GMDS: variants seen among roughly 807,000 people sequenced by gnomAD.
GMDS encodes the protein GDP-mannose 4,6 dehydratase.
Under a neutral mutation model 49.9 loss-of-function variants are expected in GMDS, and 20 were observed. The observed-to-expected ratio is 0.40, with a 90% CI of 0.28 to 0.58. GMDS has a LOEUF of 0.58. Ranked by LOEUF, GMDS falls within the 20% of genes least tolerant of loss-of-function variation. GMDS has a pLI of 0.42. For missense variants in GMDS, 362 were observed against 481.4 expected (o/e 0.75, Z 2.32); for synonymous variants, 177 against 178.6 (o/e 0.99, Z 0.07).
intron 7 of GMDS, among the ~76,000 whole-genome samples, chr6:1,837,259 T>C (rs1187869749): frequency 6.6e-6 from 1 of 152,218 alleles, no homozygotes; most frequent in Admixed American, 6.5e-5. Flanking sequence ...GTGGTGATTT[T>C]TCTGTATTTA....
intron 8 of GMDS, among the ~76,000 whole-genome samples, chr6:1,736,918 T>C (rs1561768184): frequency 6.6e-6 from 1 of 152,210 alleles, no homozygotes; most frequent in Non-Finnish European, 1.5e-5. Context: ...GTAGCTACAC[T>C]GGCTGCAGGA....
chr6:1,882,090 C>T (rs888495979), intron 7 of GMDS, among the ~76,000 whole-genome samples: 1 of 152,128 alleles, frequency 6.6e-6, no homozygotes. Context: ...AACTTCTTTT[C>T]TAAATCAATG....
intron 9 of GMDS, among the ~76,000 whole-genome samples, chr6:1,723,488 G>A (rs1415078122): frequency 6.6e-6 from 1 of 151,646 alleles, no homozygotes; most frequent in Admixed American, 6.6e-5. Flanking sequence ...CACCATACCC[G>A]GCTAATTTTT....
intron 1 of GMDS, among the ~76,000 whole-genome samples, chr6:2,127,244 TA>T (rs1775500688): frequency 6.6e-6 from 1 of 152,160 alleles, no homozygotes; most frequent in Non-Finnish European, 1.5e-5. Context: ...ATATTTGCAA[TA>T]AGACTAATAA....
chr6:1,858,426 A>G (rs1018878601), intron 7 of GMDS, among the ~76,000 whole-genome samples: 16 of 152,204 alleles, frequency 1.1e-4, no homozygotes, highest in Non-Finnish European at 1.9e-4. Flanking sequence ...TAACTGGGCC[A>G]GCAAAGTGAA....
At position 1,821,311 on chromosome 6, in the gene GMDS, TC is replaced by T. The variant is rs3839595; in HGVS notation, c.772-78726del. Among the ~76,000 whole-genome samples the T allele has an allele frequency of 2.0e-4, 30 of 151,906 alleles. 3 individuals are homozygous for T. In the East Asian group the frequency reaches 5.8e-3, roughly 29 times the overall value. ...AAGTAATCCTAAACTGAGCAAACCC[TC>T]CCAGCTCCTTTTGAGCGGAGAGGCT... On this transcript the variant is annotated intron_variant, in intron 7 of 10. Coordinates refer to ENST00000380815, the MANE Select transcript of GMDS (RefSeq NM_001500.4).
chr6:1,770,472 C>T (rs781264657), intron 7 of GMDS, among the ~76,000 whole-genome samples: 1 of 151,574 alleles, frequency 6.6e-6, no homozygotes, highest in Non-Finnish European at 1.5e-5. Context: ...AGGGTGAAGC[C>T]ACAGACACCA....
At chr6:2,242,036 G>T (rs1252632412) in intron 1 of GMDS, among the ~76,000 whole-genome samples, 1 of 152,176 alleles carries the variant, frequency 6.6e-6, no homozygotes, top group Non-Finnish European at 1.5e-5. Flanking sequence ...TCTTAAAGTA[G>T]TTCATAATCT....
At chr6:2,030,894 AC>A (rs1178507328) in intron 4 of GMDS, among the ~76,000 whole-genome samples, 11 of 152,318 alleles carry the variant, frequency 7.2e-5, no homozygotes, top group African/African-American at 2.6e-4. Context: ...TATCTTTGTG[AC>A]TCAACACCAA....
chr6:1,624,190 C>T lies in GMDS; in HGVS notation c.1098G>A (p.Met366Ile). 6.2e-7 allele frequency: 1 copy of T among 1,610,544 alleles called. No homozygotes were observed. Among genetic ancestry groups the T allele is most frequent in the Non-Finnish European group, 8.5e-7 (1 of 1,179,796 alleles). The change falls in exon 11 of 11, where the codon ATG becomes ATA. Residue 366 changes from methionine to isoleucine, a missense_variant. Transcript: ENST00000380815. The part of the protein sequence containing the change: ...REMVHADVEL[M>I]RTNPNA ...CTGCTCAGGCATTGGGGTTTGTCCTCATGAGCTCCACGTCGGCGTGCACCA... is the reference window on the plus strand; with the variant it reads ...CTGCTCAGGCATTGGGGTTTGTCCTTATGAGCTCCACGTCGGCGTGCACCA...
rs145692751 is a variant in GMDS at position 2,212,418 on chromosome 6, A to G, written c.102+32903T>C. Among the ~76,000 whole-genome samples, 481 of 152,322 alleles carry G rather than the reference A, an allele frequency of 3.2e-3. 2 individuals carry two copies. The highest frequency in any genetic ancestry group is 5.6e-3 in the Admixed American group (85 of 15,298). On this transcript the variant is annotated intron_variant, in intron 1 of 10. Transcript: ENST00000380815. The stretch of plus-strand genomic sequence containing the variant: ...ACCAACATTTCAAAGAATTTTTCCT[A>G]AAAAGAAAGAGCAACAAAAAAATCA...
At chr6:1,948,102 C>A (rs1763174523) in intron 6 of GMDS, among the ~76,000 whole-genome samples, 1 of 152,102 alleles carries the variant, frequency 6.6e-6, no homozygotes, top group Non-Finnish European at 1.5e-5. Context: ...ACTATGATTA[C>A]CCCATTTTAG....
intron 7 of GMDS, among the ~76,000 whole-genome samples, chr6:1,827,078 A>ATATG (rs1297263373): frequency 3.2e-5 from 4 of 125,230 alleles, no homozygotes; most frequent in African/African-American, 6.0e-5. Context: ...AAAAATATAT[A>ATATG]TGTGTGTGTG....
intron 9 of GMDS, among the ~76,000 whole-genome samples, chr6:1,663,383 T>C (rs995535346): frequency 6.6e-6 from 1 of 152,190 alleles, no homozygotes; most frequent in African/African-American, 2.4e-5. Flanking sequence ...TGCTTCTTGT[T>C]CTCACCTACT....
intron 4 of GMDS, among the ~76,000 whole-genome samples, chr6:2,015,509 G>A (rs1767835087): frequency 6.6e-6 from 1 of 152,150 alleles, no homozygotes; most frequent in South Asian, 2.1e-4. Flanking sequence ...AGGAAAAGCA[G>A]TGCTTAGAGG....
intron 1 of GMDS, among the ~76,000 whole-genome samples, chr6:2,224,588 A>G (rs1780737065): frequency 6.6e-6 from 1 of 152,274 alleles, no homozygotes; most frequent in South Asian, 2.1e-4. Flanking sequence ...TATAGGAGCG[A>G]AGATCAGTGA....
At position 2,045,764 on chromosome 6, in the gene GMDS, C is replaced by T. The variant is rs1243084759; in HGVS notation, c.345+70007G>A. On this transcript the variant is annotated intron_variant, in intron 4 of 10. Coordinates refer to ENST00000380815, the MANE Select transcript of GMDS (RefSeq NM_001500.4). ...GCACTGAAATAAAAAAGAGCTAGCC[C>T]CAGTCAAAAAAAAAATCAAATTAAA... Among the ~76,000 whole-genome samples, 22 of 144,132 alleles carry T rather than the reference C, an allele frequency of 1.5e-4. No homozygotes were observed. The Admixed American group carries it at 1.5e-3, about 10-fold the overall frequency. 94.6% of individuals were successfully genotyped at this position (144,132 alleles called of 152,430 possible). A position where few individuals can be genotyped will look rare whatever the true frequency, so the allele number is the denominator to read the frequency against.
intron 1 of GMDS, among the ~76,000 whole-genome samples, chr6:2,165,938 A>G (rs1008325959): frequency 6.6e-6 from 1 of 152,170 alleles, no homozygotes; most frequent in Non-Finnish European, 1.5e-5. Context: ...AAAGGTAAAA[A>G]AATAAAGATA....
intron 1 of GMDS, among the ~76,000 whole-genome samples, chr6:2,154,729 T>C (rs1472612961): frequency 6.6e-6 from 1 of 151,916 alleles, no homozygotes; most frequent in Non-Finnish European, 1.5e-5. Flanking sequence ...TGCAATTATA[T>C]GACCGATCAG....
Sources: allele counts gnomAD v4.1 joint callset (sites outside exome capture counted in the v4.1 genomes callset), GRCh38; gene constraint gnomAD v4.1.1; transcripts MANE v1.5; gene names NCBI Gene and HGNC (gene_info 2026-07-23, HGNC 2026-07-21).